The following SIPA1L1 variants were observed in gnomAD, a reference collection of about 807,000 sequenced individuals.
SIPA1L1 encodes the protein signal induced proliferation associated 1 like 1.
SIPA1L1 carries 26 observed loss-of-function variants against 162.7 expected under a neutral mutation model. The ratio of observed to expected loss-of-function variants is 0.16; its 90% CI spans 0.12 to 0.22. SIPA1L1 has a LOEUF of 0.22. SIPA1L1 is among the 10% of genes least tolerant of loss of function. The probability of loss-of-function intolerance (pLI) is 1.00; values close to 1 mark genes in which losing one functional copy is unlikely to be tolerated. For synonymous variants in SIPA1L1, 829 were observed against 837.4 expected, an observed-to-expected ratio of 0.99 and a Z score of 0.17; for missense variants, 1,874 against 2,241.0, an observed-to-expected ratio of 0.84 and a Z score of 3.31.
chr14:71,324,361 GT>G (rs1409438218), intron 2 of SIPA1L1, among the ~76,000 whole-genome samples: 1 of 152,140 alleles, frequency 6.6e-6, no homozygotes, highest in African/African-American at 2.4e-5. Context: ...TGGAAGACAG[GT>G]GTCCATATTT....
At chr14:71,585,676 A>G (rs1413600654) in intron 4 of SIPA1L1, among the ~76,000 whole-genome samples, 1 of 152,190 alleles carries the variant, frequency 6.6e-6, no homozygotes, top group Admixed American at 6.5e-5. Context: ...CTTTTAGAGA[A>G]TGAATGTTTG....
chr14:71,453,996 CAAAAAAAAA>C (rs751420064), intron 2 of SIPA1L1, among the ~76,000 whole-genome samples: 84 of 76,546 alleles, frequency 1.1e-3, no homozygotes, highest in Middle Eastern at 6.2e-3. Flanking sequence ...GAGATTGTTT[CAAAAAAAAA>C]AAAAAAAAAA....
At chr14:71,409,637 A>G (rs2042267691) in intron 2 of SIPA1L1, among the ~76,000 whole-genome samples, 1 of 152,188 alleles carries the variant, frequency 6.6e-6, no homozygotes, top group Non-Finnish European at 1.5e-5. Context: ...GTAGATGACT[A>G]TATAACATCA....
chr14:71,617,834 A>C (rs2039001965), intron 5 of SIPA1L1, among the ~76,000 whole-genome samples: 1 of 152,196 alleles, frequency 6.6e-6, no homozygotes, highest in South Asian at 2.1e-4. Context: ...AGCATTTTGG[A>C]GGTTTGAAAA....
Position 71,704,578 on chromosome 14 carries a change from G to A in SIPA1L1, c.3647-644G>A, listed in dbSNP as rs879116837. The A allele has an allele frequency of 4.6e-5, 29 of 628,450 alleles. No individual in the cohort carries two copies. The South Asian group carries it at 5.1e-4, about 11-fold the overall frequency. 38.9% of individuals were successfully genotyped at this position (628,450 alleles called of 1,614,324 possible). A position where few individuals can be genotyped will look rare whatever the true frequency, so the allele number is the denominator to read the frequency against. ...GGTGTTTCAGAGGCCCAGGATTCTT[G>A]CTATTAGCTATAGTGGTGTTATGGA... On this transcript the variant is annotated intron_variant, in intron 15 of 23. Transcript: ENST00000381232.
intron 9 of SIPA1L1, among the ~76,000 whole-genome samples, chr14:71,658,762 A>G (rs966279210): frequency 1.3e-5 from 2 of 152,246 alleles, no homozygotes; most frequent in Non-Finnish European, 2.9e-5. Context: ...AAGAACATCC[A>G]TGAGTGGGTG....
intron 6 of SIPA1L1, among the ~76,000 whole-genome samples, chr14:71,620,161 C>G (rs2039275692): frequency 6.6e-6 from 1 of 152,222 alleles, no homozygotes; most frequent in African/African-American, 2.4e-5. Flanking sequence ...CCTTTGTCTC[C>G]TGGGTTCAAG....
chr14:71,647,491 A>G (rs2042267136), intron 7 of SIPA1L1, among the ~76,000 whole-genome samples: 1 of 152,120 alleles, frequency 6.6e-6, no homozygotes, highest in Non-Finnish European at 1.5e-5. Context: ...GGCACCCACA[A>G]ATTCAGTGTC....
chr14:71,542,947 T>C (rs973708865), intron 4 of SIPA1L1, among the ~76,000 whole-genome samples: 3 of 152,086 alleles, frequency 2.0e-5, no homozygotes, highest in African/African-American at 7.2e-5. Flanking sequence ...GAAGTCCTAC[T>C]CTTTTCTGTA....
At chr14:71,541,565 C>T (rs2054387103) in intron 4 of SIPA1L1, among the ~76,000 whole-genome samples, 2 of 152,120 alleles carry the variant, frequency 1.3e-5, no homozygotes. Flanking sequence ...AGTTTGAGAC[C>T]ACCCTGGGTA....
At chr14:71,388,646 A>G (rs896267895) in intron 2 of SIPA1L1, among the ~76,000 whole-genome samples, 1 of 152,248 alleles carries the variant, frequency 6.6e-6, no homozygotes, top group African/African-American at 2.4e-5. Flanking sequence ...ATGAGAGGCT[A>G]AAGATATTTC....
chr14:71,584,365 C>T (rs1567243719), intron 4 of SIPA1L1, among the ~76,000 whole-genome samples: 1 of 152,206 alleles, frequency 6.6e-6, no homozygotes, highest in Non-Finnish European at 1.5e-5. Context: ...GGCTGACCTA[C>T]TGTGGTACAA....
At chr14:71,535,525 G>C (rs1476738092) in intron 4 of SIPA1L1, among the ~76,000 whole-genome samples, 1 of 151,868 alleles carries the variant, frequency 6.6e-6, no homozygotes, top group African/African-American at 2.4e-5. Context: ...CTGATGGAAA[G>C]ATAGGAAAGT....
At chr14:71,699,370 A>G (rs2081912437) in intron 14 of SIPA1L1, among the ~76,000 whole-genome samples, 1 of 152,230 alleles carries the variant, frequency 6.6e-6, no homozygotes, top group South Asian at 2.1e-4. Flanking sequence ...ATCAAATTGC[A>G]TTAGTTTGTC....
intron 3 of SIPA1L1, among the ~76,000 whole-genome samples, chr14:71,528,452 C>T (rs574206198): frequency 3.8e-4 from 58 of 151,974 alleles, no homozygotes; most frequent in African/African-American, 1.3e-3. Context: ...GTCAGGGGTT[C>T]GAGACCTGTC....
chr14:71,498,906 A>G (rs141502318), intron 2 of SIPA1L1, among the ~76,000 whole-genome samples: 39 of 152,286 alleles, frequency 2.6e-4, no homozygotes, highest in Admixed American at 5.9e-4. Flanking sequence ...CAAGGCTTAT[A>G]TTAATTTATT....
chr14:71,463,399 A>G (rs1489412274), intron 2 of SIPA1L1, among the ~76,000 whole-genome samples: 1 of 152,192 alleles, frequency 6.6e-6, no homozygotes, highest in Non-Finnish European at 1.5e-5. Context: ...CTAAAACTCC[A>G]TTAATTACCT....
chr14:71,729,978 C>G, intron 19 of SIPA1L1, 77 bp from the exon 20 acceptor site: 1 of 1,522,186 alleles, frequency 6.6e-7, no homozygotes, highest in Non-Finnish European at 8.9e-7. Flanking sequence ...ACTTGGTTAT[C>G]CCACCCTCCC....
chr14:71,385,629 C>A (rs778163228), intron 2 of SIPA1L1, among the ~76,000 whole-genome samples: 4 of 150,346 alleles, frequency 2.7e-5, no homozygotes, highest in Non-Finnish European at 5.9e-5. Flanking sequence ...GAAATATTAT[C>A]TCAACATATA....
Sources: allele counts gnomAD v4.1 joint callset (sites outside exome capture counted in the v4.1 genomes callset), GRCh38; gene constraint gnomAD v4.1.1; transcripts MANE v1.5; gene names NCBI Gene and HGNC (gene_info 2026-07-23, HGNC 2026-07-21).